ADAMTS17: variants seen among roughly 807,000 people sequenced by gnomAD.
ADAMTS17 encodes A disintegrin and metalloproteinase with thrombospondin motifs 17.
A neutral mutation model predicts 141.5 loss-of-function variants in ADAMTS17; 113 were observed. The ratio of observed to expected loss-of-function variants is 0.80; its 90% CI spans 0.69 to 0.93. The LOEUF is 0.93. Among genes scored for constraint, ADAMTS17 ranks in the 40% least tolerant of loss-of-function variants. The pLI is 0.00. For synonymous variants in ADAMTS17, 768 were observed against 630.6 expected, an observed-to-expected ratio of 1.22 and a Z score of -3.27; for missense variants, 1,659 against 1,517.9, an observed-to-expected ratio of 1.09 and a Z score of -1.54.
At chr15:100,224,789 A>G (rs1347717884) in intron 7 of ADAMTS17, among the ~76,000 whole-genome samples, 1 of 152,260 alleles carries the variant, frequency 6.6e-6, no homozygotes, top group Non-Finnish European at 1.5e-5. Context: ...ACTTCCAGAG[A>G]GAGCCTCCGG....
intron 4 of ADAMTS17, among the ~76,000 whole-genome samples, chr15:100,267,166 C>G (rs1001249442): frequency 4.6e-5 from 7 of 152,044 alleles, no homozygotes; most frequent in African/African-American, 1.7e-4. Context: ...CTGCCCCCCA[C>G]CCAACCCCCA....
chr15:100,099,249 A>T (rs1423180499), intron 14 of ADAMTS17, among the ~76,000 whole-genome samples: 1 of 152,158 alleles, frequency 6.6e-6, no homozygotes, highest in Non-Finnish European at 1.5e-5. Flanking sequence ...GCATCTGGAG[A>T]CAGGGAATGC....
chr15:100,155,345 A>G, intron 8 of ADAMTS17, 25 bp from the exon 9 acceptor site: 7 of 1,608,038 alleles, frequency 4.4e-6, no homozygotes, highest in Non-Finnish European at 5.9e-6. Flanking sequence ...GGAGAGAGGG[A>G]TGCTTATGCT....
intron 3 of ADAMTS17, among the ~76,000 whole-genome samples, chr15:100,325,237 A>C (rs1203327925): frequency 1.3e-5 from 2 of 152,090 alleles, no homozygotes; most frequent in Non-Finnish European, 1.5e-5. Context: ...TGAACTATGC[A>C]CCACACCCCT....
chr15:100,228,366 G>T (rs1461103243), intron 7 of ADAMTS17, among the ~76,000 whole-genome samples: 1 of 152,186 alleles, frequency 6.6e-6, no homozygotes, highest in South Asian at 2.1e-4. Flanking sequence ...TGATTAGACT[G>T]TAAGTGTTCT....
chr15:100,128,344 G>C (rs2037853370), intron 12 of ADAMTS17: 1 of 152,404 alleles, frequency 6.6e-6, no homozygotes, highest in Middle Eastern at 3.4e-3. Context: ...CATCAGGAAG[G>C]GGCCTGCGGC....
chr15:100,054,105 T>C (rs1207041969), intron 15 of ADAMTS17, 51 bp from the exon 16 acceptor site: 2 of 1,607,744 alleles, frequency 1.2e-6, no homozygotes, highest in African/African-American at 1.3e-5. Flanking sequence ...GGTAGGGGGA[T>C]CCAGCCTGTC....
Position 100,341,027 on chromosome 15 carries a change from C to A in ADAMTS17, c.450+12G>T. On this transcript the variant is annotated intron_variant, in intron 2 of 21. Coordinates refer to ENST00000268070, the MANE Select transcript of ADAMTS17 (RefSeq NM_139057.4). Reference sequence around the variant, plus strand: ...ACCGGACGGGCCGACCCGGAGGTGGCGCGGGCAGTACCAGGCCGCCGGCGG... The same window carrying A: ...ACCGGACGGGCCGACCCGGAGGTGGAGCGGGCAGTACCAGGCCGCCGGCGG... The A allele has an allele frequency of 7.2e-6, 11 of 1,524,224 alleles. No homozygotes were observed. The highest frequency in any genetic ancestry group is 9.6e-6 in the Non-Finnish European group (11 of 1,140,790). The allele number at this position is 1,524,224 out of a possible 1,614,324, so 94.4% of individuals were successfully genotyped here.
At chr15:100,293,127 G>C (rs755086066) in intron 3 of ADAMTS17, among the ~76,000 whole-genome samples, 1 of 152,192 alleles carries the variant, frequency 6.6e-6, no homozygotes. Context: ...GTTCCAAGTC[G>C]GTAGCCTCAG....
intron 10 of ADAMTS17, among the ~76,000 whole-genome samples, chr15:100,148,826 T>TAA (rs75732846): frequency 1.7e-4 from 24 of 139,996 alleles, no homozygotes; most frequent in Admixed American, 9.3e-4. Flanking sequence ...AAGCTTATAT[T>TAA]AAAAAAAAAA....
At chr15:100,138,342 C>G (rs2038444608) in intron 10 of ADAMTS17, among the ~76,000 whole-genome samples, 1 of 152,044 alleles carries the variant, frequency 6.6e-6, no homozygotes, top group Non-Finnish European at 1.5e-5. Flanking sequence ...TTTAAACTGT[C>G]AAGGTGTTTA....
intron 8 of ADAMTS17, among the ~76,000 whole-genome samples, chr15:100,158,610 T>C (rs2039547532): frequency 1.3e-5 from 2 of 150,970 alleles, no homozygotes; most frequent in Non-Finnish European, 3.0e-5. Flanking sequence ...CTCCAGCCCC[T>C]GGCAATACAA....
At chr15:100,014,654 C>T (rs560388717) in intron 18 of ADAMTS17, among the ~76,000 whole-genome samples, 13 of 152,258 alleles carry the variant, frequency 8.5e-5, no homozygotes, top group East Asian at 5.8e-4. Context: ...TTAATTTCCA[C>T]GTATTTGCAT....
At chr15:100,083,456 A>C (rs1189611787) in intron 15 of ADAMTS17, among the ~76,000 whole-genome samples, 4 of 152,170 alleles carry the variant, frequency 2.6e-5, no homozygotes, top group Non-Finnish European at 4.4e-5. Flanking sequence ...CTTCTCCCTA[A>C]ACCTTTCAAG....
At chr15:100,058,208 C>CGT (rs2032776914) in intron 15 of ADAMTS17, among the ~76,000 whole-genome samples, 4 of 51,772 alleles carry the variant, frequency 7.7e-5, no homozygotes, top group African/African-American at 1.3e-4. Flanking sequence ...GCTCCAACAC[C>CGT]CCTATTCCGG....
intron 15 of ADAMTS17, among the ~76,000 whole-genome samples, chr15:100,083,051 T>C (rs931275584): frequency 6.6e-6 from 1 of 152,232 alleles, no homozygotes; most frequent in Non-Finnish European, 1.5e-5. Context: ...TCTGGAAATA[T>C]GGAAGTAACA....
chr15:100,102,474 A>G lies in ADAMTS17; in HGVS notation c.2017-5998T>C, dbSNP rs4246300. Among the ~76,000 whole-genome samples, 96 of 17,946 alleles carry G rather than the reference A, an allele frequency of 5.3e-3. 12 individuals are homozygous for G. The highest frequency in any genetic ancestry group is 9.5e-3 in the East Asian group (6 of 634). 11.8% of individuals were successfully genotyped at this position (17,946 alleles called of 152,430 possible). A position where few individuals can be genotyped will look rare whatever the true frequency, so the allele number is the denominator to read the frequency against. On this transcript the variant is annotated intron_variant, in intron 14 of 21. Coordinates refer to ENST00000268070, the MANE Select transcript of ADAMTS17 (RefSeq NM_139057.4). Reference sequence around the variant, plus strand: ...CAAAGGGGATCTACATTTGAGGGCCAACTGAAGGGGATCTACATTTGAGGG... The same window carrying G: ...CAAAGGGGATCTACATTTGAGGGCCGACTGAAGGGGATCTACATTTGAGGG...
At chr15:100,199,207 T>C (rs2141633874) in intron 8 of ADAMTS17, 111 bp downstream of exon 8, 1 of 1,043,950 alleles carries the variant, frequency 9.6e-7, no homozygotes. Context: ...TTATTGCAGA[T>C]GCAGCAAAGG....
Position 100,006,950 on chromosome 15 carries a change from A to G in ADAMTS17, c.2592-9361T>C, listed in dbSNP as rs535223879. On this transcript the variant is annotated intron_variant, in intron 18 of 21. Transcript: ENST00000268070. ...AAGGAAGCAGCCACTGGCACGGTCA[A>G]CCCGCTCAGTCTCAGCCTCTTTGTT... 2.6e-4 allele frequency among the ~76,000 whole-genome samples: 40 copies of G among 152,306 alleles called. No homozygotes were observed. The South Asian group carries it at 8.3e-3, about 32-fold the overall frequency.
Sources: gnomAD v4.1 joint callset for allele counts (sites outside exome capture counted in the v4.1 genomes callset) on GRCh38, gnomAD v4.1.1 for gene constraint, MANE v1.5 for transcripts, NCBI Gene and HGNC (gene_info 2026-07-23, HGNC 2026-07-21) for gene names.